PTGER3: variants seen among roughly 807,000 people sequenced by gnomAD.
PTGER3 encodes the protein prostaglandin E2 receptor EP3 subtype.
PTGER3 carries 22 observed loss-of-function variants against 34.7 expected under a neutral mutation model. That is an observed-to-expected ratio of 0.63 (90% CI 0.45 to 0.91). The LOEUF is 0.91. PTGER3 is among the 40% of genes least tolerant of loss of function. The pLI is 0.00. For missense variants in PTGER3, 468 were observed against 519.4 expected (o/e 0.90, Z 0.96); for synonymous variants, 241 against 230.1 (o/e 1.05, Z -0.43).
At chr1:70,901,586 T>C (rs1646839957) in intron 4 of PTGER3, among the ~76,000 whole-genome samples, 1 of 152,206 alleles carries the variant, frequency 6.6e-6, no homozygotes. Context: ...ACTGGCACCA[T>C]GATTATTGTG....
intron 1 of PTGER3, among the ~76,000 whole-genome samples, chr1:71,013,865 C>A (rs1037021698): frequency 6.6e-6 from 1 of 152,106 alleles, no homozygotes; most frequent in African/African-American, 2.4e-5. Context: ...AGGAACAACT[C>A]AAACATGGGT....
At chr1:71,018,816 T>C (rs190253060) in intron 1 of PTGER3, among the ~76,000 whole-genome samples, 63 of 152,308 alleles carry the variant, frequency 4.1e-4, no homozygotes, top group African/African-American at 1.4e-3. Context: ...AGGTTTCATA[T>C]GCCTTACATT....
chr1:70,889,468 ATTTAT>A (rs1282525408), intron 4 of PTGER3, among the ~76,000 whole-genome samples: 1 of 149,164 alleles, frequency 6.7e-6, no homozygotes, highest in African/African-American at 2.5e-5. Flanking sequence ...CTTATGTTTT[ATTTAT>A]TTTATGTTAA....
At chr1:70,867,729 GA>G (rs995558102) in intron 4 of PTGER3, among the ~76,000 whole-genome samples, 45 of 145,186 alleles carry the variant, frequency 3.1e-4, no homozygotes, top group African/African-American at 4.3e-4. Context: ...CATCTAAAAA[GA>G]AAAAAAAAAG....
At position 71,043,853 on chromosome 1, in the gene PTGER3, G is replaced by T. The variant is rs531139015; in HGVS notation, c.897+2828C>A. ...TTTTTTTTAGAGGGAGTCCTGCTCT[G>T]TCACCCGTGCTGGAGTGCAGTGGCG... On this transcript the variant is annotated intron_variant, in intron 1 of 3. Transcript: ENST00000306666. Among the ~76,000 whole-genome samples, 4 of 149,094 alleles carry T rather than the reference G, an allele frequency of 2.7e-5. No homozygotes were observed. The South Asian group carries it at 8.5e-4, about 32-fold the overall frequency.
chr1:70,906,560 A>G (rs1257237086), intron 4 of PTGER3, among the ~76,000 whole-genome samples: 1 of 152,232 alleles, frequency 6.6e-6, no homozygotes, highest in East Asian at 1.9e-4. Context: ...ATCTAGGCAT[A>G]AATTCCATAT....
At chr1:70,884,942 A>G (rs577546808) in intron 4 of PTGER3, among the ~76,000 whole-genome samples, 8 of 152,262 alleles carry the variant, frequency 5.3e-5, no homozygotes, top group Non-Finnish European at 8.8e-5. Flanking sequence ...AATCCTCTAT[A>G]TTTGTTGTAT....
At chr1:71,027,737 A>T (rs1438100709) in intron 1 of PTGER3, among the ~76,000 whole-genome samples, 7 of 152,132 alleles carry the variant, frequency 4.6e-5, no homozygotes, top group Admixed American at 1.3e-4. Flanking sequence ...ATTTTTTTTA[A>T]AAAAGTAAAA....
At chr1:70,936,267 G>C (rs976214650) in intron 4 of PTGER3, among the ~76,000 whole-genome samples, 3 of 152,144 alleles carry the variant, frequency 2.0e-5, no homozygotes, top group Non-Finnish European at 4.4e-5. Context: ...GGTGATTTTA[G>C]TGCACACTAC....
Position 70,911,638 on chromosome 1 carries a change from T to C in PTGER3, c.*23+42125A>G, listed in dbSNP as rs1647064178. 5.9e-5 allele frequency among the ~76,000 whole-genome samples: 9 copies of C among 152,228 alleles called. No homozygotes were observed. In the South Asian group the frequency reaches 1.9e-3, roughly 32 times the overall value. ...GATGGCAGAAAGTGACGACATTTTT[T>C]TAAGAGGAGGGGAACTAGGAAGATA... On this transcript the variant is annotated intron_variant, in intron 4 of 4. Transcript: ENST00000370931.
At chr1:70,944,025 G>A (rs1557673933) in intron 4 of PTGER3, among the ~76,000 whole-genome samples, 1 of 152,152 alleles carries the variant, frequency 6.6e-6, no homozygotes, top group East Asian at 1.9e-4. Flanking sequence ...ATAAAAAAGA[G>A]TACTTACTTA....
At chr1:70,901,976 C>T (rs189236242) in intron 4 of PTGER3, among the ~76,000 whole-genome samples, 1 of 152,090 alleles carries the variant, frequency 6.6e-6, no homozygotes, top group African/African-American at 2.4e-5. Flanking sequence ...CTTCTCTGTA[C>T]CTTCGCCTAC....
intron 4 of PTGER3, among the ~76,000 whole-genome samples, chr1:70,909,098 A>T (rs1466491465): frequency 6.6e-6 from 1 of 152,194 alleles, no homozygotes; most frequent in Non-Finnish European, 1.5e-5. Flanking sequence ...TGTCAATAGG[A>T]GGATGGTTAC....
chr1:71,031,110 G>A (rs1013086504), intron 1 of PTGER3, among the ~76,000 whole-genome samples: 1 of 152,072 alleles, frequency 6.6e-6, no homozygotes, highest in Non-Finnish European at 1.5e-5. Flanking sequence ...TATGGAAAGG[G>A]TAATTGTCAA....
At chr1:71,022,305 A>C (rs1658489450) in intron 1 of PTGER3, among the ~76,000 whole-genome samples, 1 of 141,110 alleles carries the variant, frequency 7.1e-6, no homozygotes, top group African/African-American at 2.5e-5. Flanking sequence ...ACAAGAGGTA[A>C]GCAGTCTGAC....
chr1:71,030,326 GA>G lies in PTGER3; in HGVS notation c.897+16354del, dbSNP rs1413946116. ...CTCTTTCTCTTTTCCCTAATTATAA[GA>G]AAAAAGATGAAAGCAGGTTTGCAAG... is the stretch of plus-strand genomic sequence containing the variant. On this transcript the variant is annotated intron_variant, in intron 1 of 3. Coordinates refer to ENST00000306666, the MANE Select transcript of PTGER3 (RefSeq NM_198719.2). Among the ~76,000 whole-genome samples, 7 of 152,006 alleles carry G rather than the reference GA, an allele frequency of 4.6e-5. No individual in the cohort carries two copies. In the East Asian group the frequency reaches 1.3e-3, roughly 29 times the overall value.
intron 4 of PTGER3, among the ~76,000 whole-genome samples, chr1:70,858,625 A>G (rs1293704355): frequency 6.6e-6 from 1 of 152,162 alleles, no homozygotes; most frequent in Non-Finnish European, 1.5e-5. Context: ...AATTGGGACC[A>G]ACAAAATATA....
At chr1:70,906,928 C>T (rs1646960772) in intron 4 of PTGER3, among the ~76,000 whole-genome samples, 1 of 152,154 alleles carries the variant, frequency 6.6e-6, no homozygotes, top group South Asian at 2.1e-4. Context: ...AAGCTATCTT[C>T]TCATAAAATT....
intron 4 of PTGER3, among the ~76,000 whole-genome samples, chr1:70,897,493 T>G (rs977485311): frequency 6.6e-6 from 1 of 152,216 alleles, no homozygotes; most frequent in African/African-American, 2.4e-5. Flanking sequence ...GATGGTCCTG[T>G]AGCTGATGAA....
Sources: gnomAD v4.1 joint callset for allele counts (sites outside exome capture counted in the v4.1 genomes callset) on GRCh38, gnomAD v4.1.1 for gene constraint, MANE v1.5 for transcripts, NCBI Gene and HGNC (gene_info 2026-07-23, HGNC 2026-07-21) for gene names.